The following BLNK variants were observed in gnomAD, a reference collection of about 807,000 sequenced individuals.
BLNK encodes the protein B cell linker.
Under a neutral mutation model 73.5 loss-of-function variants are expected in BLNK, and 29 were observed. The observed-to-expected ratio is 0.39, with a 90% CI of 0.29 to 0.54. The LOEUF is 0.54. Ranked by LOEUF, BLNK falls within the 20% of genes least tolerant of loss-of-function variation. BLNK has a pLI of 0.61. For synonymous variants in BLNK, 176 were observed against 200.8 expected (o/e 0.88, Z 1.04); for missense variants, 460 against 562.8 (o/e 0.82, Z 1.85).
intron 1 of BLNK, among the ~76,000 whole-genome samples, chr10:96,270,526 T>C (rs1185110972): frequency 6.6e-6 from 1 of 151,918 alleles, no homozygotes; most frequent in Non-Finnish European, 1.5e-5. Context: ...GACAGGTCGA[T>C]GGGTGCAGCA....
chr10:96,235,950 A>G (rs1842673784), intron 3 of BLNK, among the ~76,000 whole-genome samples: 1 of 151,974 alleles, frequency 6.6e-6, no homozygotes, highest in African/African-American at 2.4e-5. Context: ...GGCTCCAGTG[A>G]CAAGCTGAGA....
chr10:96,225,323 C>A (rs1271479110), intron 5 of BLNK, among the ~76,000 whole-genome samples: 4 of 152,214 alleles, frequency 2.6e-5, no homozygotes, highest in African/African-American at 9.7e-5. Context: ...CCTGTGACAG[C>A]CCCACCTCGC....
rs587677305 is a variant in BLNK at position 96,216,598 on chromosome 10, T to C, written c.607+55A>G. 46 of 1,458,116 alleles carry C rather than the reference T, an allele frequency of 3.2e-5. 1 individual carries two copies. The East Asian group carries it at 9.8e-4, about 31-fold the overall frequency. 90.3% of individuals were successfully genotyped at this position (1,458,116 alleles called of 1,614,324 possible). A position where few individuals can be genotyped will look rare whatever the true frequency, so the allele number is the denominator to read the frequency against. ...TAGTGCTTACTACCAAATACTCTTA[T>C]ACATCCTGATCAACTGCTAAAAATT... On this transcript the variant is annotated intron_variant, in intron 7 of 16. Coordinates refer to ENST00000224337, the MANE Select transcript of BLNK (RefSeq NM_013314.4).
In BLNK at chr10:96,201,026, C is replaced by T; in HGVS notation, c.967G>A (p.Gly323Arg). The stretch of plus-strand genomic sequence containing the variant: ...TTAGATGAAAAGCTGGGTAGGGGCC[C>T]ATCCACAGTTGGGTTTCCCCCTTCT... ...FTEGGNPTVD[G>R]PLPSFSSNST... The change falls in exon 14 of 17, where the codon GGG (glycine) becomes AGG (arginine). Residue 323 changes from glycine to arginine, a missense_variant. Around this residue, in one of 3 missense-constraint regions of BLNK, gnomAD observed 233 missense variants for 232.1 expected, o/e 1.00. Coordinates refer to ENST00000224337, the MANE Select transcript of BLNK (RefSeq NM_013314.4). 1 of 1,614,102 alleles carries T rather than the reference C, an allele frequency of 6.2e-7. No individual in the cohort carries two copies. Among genetic ancestry groups the T allele is most frequent in the Non-Finnish European group, 8.5e-7 (1 of 1,179,988 alleles).
rs2083907087 is a variant in BLNK, at chr10:96,209,856, G to A, written c.728C>T (p.Ser243Phe). ...TACTTACCCGGCCCGTGGCAACGGG[G>A]ATGGTGCAGCTGGTGGAGGTGACTT... ...ETKSPPPAAPSPLPRAGKKPT... is the reference protein window; with the variant it reads ...ETKSPPPAAPFPLPRAGKKPT... Residue 243 changes from serine to phenylalanine, a missense_variant, in exon 9 of 17, where the codon TCC becomes TTC. Ser to Phe is a radical substitution (Grantham distance 155). Transcript: ENST00000224337. The A allele has an allele frequency of 6.2e-7, 1 of 1,614,226 alleles. No individual in the cohort carries two copies. The highest frequency in any genetic ancestry group is 2.2e-5 in the East Asian group (1 of 44,888).
Position 96,239,476 on chromosome 10 carries a change from A to T in BLNK, c.163+3259T>A, listed in dbSNP as rs907305622. On this transcript the variant is annotated intron_variant, in intron 3 of 16. Transcript: ENST00000224337. ...TTCCTCTTGTTAGCAATGTAGAGCC[A>T]TGAAAAGATTTAAAGAGAATTTTAT... 3.3e-5 allele frequency among the ~76,000 whole-genome samples: 5 copies of T among 152,358 alleles called. No homozygotes were observed. The East Asian group carries it at 9.6e-4, about 29-fold the overall frequency.
chr10:96,266,183 C>T (rs1480495235), intron 1 of BLNK, among the ~76,000 whole-genome samples: 3 of 152,158 alleles, frequency 2.0e-5, no homozygotes, highest in Non-Finnish European at 2.9e-5. Flanking sequence ...GGTTAAATCA[C>T]CTGTAGGGAG....
Position 96,248,735 on chromosome 10 carries a change from T to C in BLNK, c.48-1686A>G, listed in dbSNP as rs79118087. Among the ~76,000 whole-genome samples, 532 of 152,268 alleles carry C rather than the reference T, an allele frequency of 3.5e-3. 10 individuals are homozygous for C. The highest frequency in any genetic ancestry group is 0.012 in the African/African-American group (516 of 41,562). On this transcript the variant is annotated intron_variant, in intron 1 of 16. Transcript: ENST00000224337. ...CTGAAAACAACCCAATGCTCATTAA[T>C]CATTAAAAGGGAACTAGTTAAATAA...
At chr10:96,244,569 C>A (rs1437766454) in intron 2 of BLNK, among the ~76,000 whole-genome samples, 1 of 152,170 alleles carries the variant, frequency 6.6e-6, no homozygotes, top group East Asian at 1.9e-4. Context: ...TGTTAGGGAA[C>A]CAGCGTGTTC....
In BLNK at chr10:96,190,911, C is replaced by T. The variant is rs782165496; in HGVS notation, c.*1062G>A. 6.6e-6 allele frequency among the ~76,000 whole-genome samples: 1 copy of T among 152,180 alleles called. No homozygotes were observed. ...ATTTCTCTAGGAACTGGCTTTTAGT[C>T]TAGCTTTGCTGTCATTCCACTTTGA... On this transcript the variant is annotated 3_prime_UTR_variant, in exon 17 of 17. Transcript: ENST00000224337.
intron 1 of BLNK, among the ~76,000 whole-genome samples, chr10:96,257,519 C>T (rs1471327607): frequency 2.0e-5 from 3 of 152,188 alleles, no homozygotes; most frequent in Non-Finnish European, 4.4e-5. Flanking sequence ...GCCATGTTGG[C>T]CATACTGGGG....
chr10:96,261,670 A>C (rs1396809689), intron 1 of BLNK, among the ~76,000 whole-genome samples: 1 of 152,242 alleles, frequency 6.6e-6, no homozygotes, highest in Non-Finnish European at 1.5e-5. Context: ...CTAAAAGCCA[A>C]AACAATCATA....
intron 16 of BLNK, among the ~76,000 whole-genome samples, chr10:96,194,164 A>G (rs1160962969): frequency 6.6e-6 from 1 of 152,170 alleles, no homozygotes; most frequent in African/African-American, 2.4e-5. Flanking sequence ...GGAGTTCAAA[A>G]TTTGTGAGAG....
rs1554907812 is a variant in BLNK, at chr10:96,247,030, G to A, written c.67C>T (p.His23Tyr). 6.2e-7 allele frequency: 1 copy of A among 1,604,454 alleles called. No individual in the cohort carries two copies. Among genetic ancestry groups the A allele is most frequent in the South Asian group, 1.1e-5 (1 of 88,426 alleles). Reference protein sequence around the residue: ...QKLRQLQKMVHDIKNNEGGIM... With the variant: ...QKLRQLQKMVYDIKNNEGGIM... ...CCACCTTCATTGTTTTTAATATCAT[G>A]GACCATCTTTTGAAGCTGCCTGTAA... Residue 23 changes from histidine to tyrosine, a missense_variant, in exon 2 of 17, where the codon CAT (histidine) becomes TAT (tyrosine). Around this residue, in one of 3 missense-constraint regions of BLNK, gnomAD observed 139 missense variants for 187.3 expected, o/e 0.74. Coordinates refer to ENST00000224337, the MANE Select transcript of BLNK (RefSeq NM_013314.4).
intron 2 of BLNK, among the ~76,000 whole-genome samples, chr10:96,243,849 C>G (rs1842953430): frequency 6.6e-6 from 1 of 151,600 alleles, no homozygotes; most frequent in South Asian, 2.1e-4. Flanking sequence ...TAATTATTAC[C>G]CATTTTAACT....
chr10:96,211,578 T>C (rs937352873), intron 8 of BLNK, among the ~76,000 whole-genome samples: 12 of 152,216 alleles, frequency 7.9e-5, no homozygotes, highest in African/African-American at 2.9e-4. Flanking sequence ...CCCTCAAGGA[T>C]GGGAGCAACA....
chr10:96,207,081 A>G, intron 10 of BLNK, 28 bp from the exon 11 acceptor site: 8 of 1,590,666 alleles, frequency 5.0e-6, no homozygotes, highest in Non-Finnish European at 6.0e-6. Flanking sequence ...AGGCAAGGTT[A>G]TTCAATATAG....
chr10:96,236,057 A>C (rs1345538815), intron 3 of BLNK, among the ~76,000 whole-genome samples: 2 of 152,148 alleles, frequency 1.3e-5, no homozygotes, highest in East Asian at 3.9e-4. Flanking sequence ...GATGGCTGGA[A>C]GGACAGTACA....
rs10625497 is a variant in BLNK, at chr10:96,229,654, CTGTGTGTGTG to C, written c.204+1130_204+1139del. 3.5e-5 allele frequency among the ~76,000 whole-genome samples: 5 copies of C among 142,584 alleles called. 1 individual carries two copies. The highest frequency in any genetic ancestry group is 1.3e-4 in the African/African-American group (5 of 37,992). 93.5% of individuals were successfully genotyped at this position (142,584 alleles called of 152,430 possible). On this transcript the variant is annotated intron_variant, in intron 4 of 16. Transcript: ENST00000224337. Reference sequence around the variant, plus strand: ...AGCAATTTCTTTGCTTTACATGTGGCTGTGTGTGTGTGTGTGTGTGTGTGTGTGTGTGTTC... The same window carrying C: ...AGCAATTTCTTTGCTTTACATGTGGCTGTGTGTGTGTGTGTGTGTGTGTTC...
Sources: gnomAD v4.1 joint callset for allele counts (sites outside exome capture counted in the v4.1 genomes callset) on GRCh38, gnomAD v4.1.1 for gene constraint, gnomAD v4.1.1 regional missense constraint, MANE v1.5 for transcripts, NCBI Gene and HGNC (gene_info 2026-07-23, HGNC 2026-07-21) for gene names.